UNC80: variants seen among roughly 807,000 people sequenced by gnomAD.
UNC80 encodes the protein unc-80 subunit of NALCN channel complex, also known as protein unc-80 homolog.
A neutral mutation model predicts 384.6 loss-of-function variants in UNC80; 164 were observed. The observed-to-expected ratio is 0.43, with a 90% CI of 0.38 to 0.49. UNC80 has a LOEUF of 0.49. Ranked by LOEUF, UNC80 falls within the 20% of genes least tolerant of loss-of-function variation. UNC80 has a pLI of 0.00. For synonymous variants in UNC80, 1,486 were observed against 1,527.8 expected (o/e 0.97, Z 0.64); for missense variants, 3,330 against 4,143.0 (o/e 0.80, Z 5.39).
chr2:209,775,899 G>T lies in UNC80; in HGVS notation c.152G>T (p.Arg51Leu), dbSNP rs1359174506. ...TTTTTGTATTTACAGTCCTTTGAGC[G>T]AGTGTTGGTAGAAAACAAGCTGCAT... is the stretch of plus-strand genomic sequence containing the variant. ...QYEASCVSFE[R>L]VLVENKLHGL... Residue 51 changes from arginine (R) to leucine (L), a missense_variant, in exon 3 of 65, where the codon CGA becomes CTA. Arg to Leu is a moderately radical substitution (Grantham distance 102). Around this residue, in one of 8 missense-constraint regions of UNC80, gnomAD observed 86 missense variants for 141.5 expected, o/e 0.61. Coordinates refer to ENST00000673920, the MANE Select transcript of UNC80 (RefSeq NM_001371986.1). 6.2e-7 allele frequency: 1 copy of T among 1,613,436 alleles called. No homozygotes were observed.
At chr2:209,903,517 ATATATAC>A (rs1413364706) in intron 28 of UNC80, among the ~76,000 whole-genome samples, 33 of 57,348 alleles carry the variant, frequency 5.8e-4, no homozygotes, top group African/African-American at 2.6e-3. Flanking sequence ...TATATGTAAT[ATATATAC>A]TATATATATT....
chr2:209,985,010 C>G lies in UNC80; in HGVS notation c.9314+98C>G, dbSNP rs1386571796. The G allele has an allele frequency of 4.7e-6, 5 of 1,062,250 alleles. No homozygotes were observed. In the African/African-American group the frequency reaches 8.2e-5, roughly 17 times the overall value. The allele number at this position is 1,062,250 out of a possible 1,614,324, so 65.8% of individuals were successfully genotyped here. ...TCTGTCTTCTCTGTCTCTTCTCGCC[C>G]CGTCTTAATATCTATTTCCATTCCT... On this transcript the variant is annotated intron_variant, in intron 61 of 64. Coordinates refer to ENST00000673920, the MANE Select transcript of UNC80 (RefSeq NM_001371986.1).
intron 51 of UNC80, 79 bp downstream of exon 51, chr2:209,959,786 T>A (rs2092533343): frequency 2.2e-6 from 3 of 1,335,902 alleles, no homozygotes; most frequent in Non-Finnish European, 3.1e-6. Context: ...GGGTTGAGAG[T>A]GGGGGTTCTC....
intron 7 of UNC80, among the ~76,000 whole-genome samples, chr2:209,805,318 A>G (rs1042789598): frequency 2.6e-5 from 4 of 152,206 alleles, no homozygotes; most frequent in African/African-American, 7.2e-5. Flanking sequence ...TTAAGAAACA[A>G]TTTTCAAAAT....
At chr2:209,914,525 A>G (rs900165577) in intron 31 of UNC80, among the ~76,000 whole-genome samples, 2 of 151,878 alleles carry the variant, frequency 1.3e-5, no homozygotes, top group South Asian at 2.1e-4. Context: ...AGCTAAAAGT[A>G]TTGCCCTCTC....
chr2:209,901,984 A>G (rs992129883), intron 28 of UNC80, among the ~76,000 whole-genome samples: 2 of 152,260 alleles, frequency 1.3e-5, no homozygotes, highest in East Asian at 3.9e-4. Context: ...AGACAGTTAT[A>G]GGGATTCCTG....
chr2:209,877,278 A>G (rs1396301126), intron 23 of UNC80, among the ~76,000 whole-genome samples: 1 of 152,208 alleles, frequency 6.6e-6, no homozygotes, highest in East Asian at 1.9e-4. Context: ...ATTCAATAAC[A>G]GATAGCAAGG....
chr2:209,786,663 C>T (rs1415163530), intron 5 of UNC80, among the ~76,000 whole-genome samples: 1 of 152,042 alleles, frequency 6.6e-6, no homozygotes, highest in East Asian at 1.9e-4. Context: ...ATGAAATAGT[C>T]CCACTGTTCA....
In UNC80 at chr2:209,976,713, T is replaced by C. The variant is rs749039120; in HGVS notation, c.8773-200T>C. On this transcript the variant is annotated intron_variant, in intron 57 of 64. Coordinates refer to ENST00000673920, the MANE Select transcript of UNC80 (RefSeq NM_001371986.1). The surrounding 1 kb of genome is among the most constrained non-coding windows in gnomAD (Gnocchi z 4.3). ...CAAGACCCTCGGTACCCATCTACACTTGGTCTTTTCATGCCTCAGTTTCTT... is the reference window on the plus strand; with the variant it reads ...CAAGACCCTCGGTACCCATCTACACCTGGTCTTTTCATGCCTCAGTTTCTT... 3.9e-5 allele frequency among the ~76,000 whole-genome samples: 6 copies of C among 152,190 alleles called. No individual in the cohort carries two copies. Among genetic ancestry groups the C allele is most frequent in the Non-Finnish European group, 8.8e-5 (6 of 68,040 alleles).
At chr2:209,954,012 CT>C (rs1490830389) in intron 47 of UNC80, 87 bp from the exon 48 acceptor site, 2 of 1,377,704 alleles carry the variant, frequency 1.5e-6, no homozygotes, top group African/African-American at 2.9e-5. Flanking sequence ...TCTCTAGATG[CT>C]TTTCATTGTT....
intron 7 of UNC80, among the ~76,000 whole-genome samples, chr2:209,812,004 C>A (rs1005813145): frequency 2.0e-5 from 3 of 152,148 alleles, no homozygotes; most frequent in African/African-American, 7.2e-5. Flanking sequence ...AAAAGTTTCA[C>A]CAAACATCCA....
chr2:209,814,056 C>T (rs1029064828), intron 8 of UNC80, among the ~76,000 whole-genome samples: 1 of 152,094 alleles, frequency 6.6e-6, no homozygotes, highest in Non-Finnish European at 1.5e-5. Flanking sequence ...CTTGCACATG[C>T]TAATTTAGTA....
Position 209,996,098 on chromosome 2 carries a change from T to TA in UNC80, c.*506dup, listed in dbSNP as rs2093480057. On this transcript the variant is annotated 3_prime_UTR_variant, in exon 65 of 65. Coordinates refer to ENST00000673920, the MANE Select transcript of UNC80 (RefSeq NM_001371986.1). Reference sequence around the variant, plus strand: ...AGGAAAAATATTACTTTGGGGAGACTAAATAACAAGCCTGCAGCCATTTTT... The same window carrying TA: ...AGGAAAAATATTACTTTGGGGAGACTAAAATAACAAGCCTGCAGCCATTTTT... 6.5e-6 allele frequency: 1 copy of TA among 153,354 alleles called. No homozygotes were observed. Among genetic ancestry groups the TA allele is most frequent in the East Asian group, 1.9e-4 (1 of 5,202 alleles). The allele number at this position is 153,354 out of a possible 1,614,324, so 9.5% of individuals were successfully genotyped here.
chr2:209,864,457 G>A (rs190294335), intron 22 of UNC80, among the ~76,000 whole-genome samples: 33 of 152,298 alleles, frequency 2.2e-4, no homozygotes, highest in African/African-American at 7.2e-4. Flanking sequence ...ATTCCTCAGA[G>A]GAAAGGCTAA....
intron 4 of UNC80, among the ~76,000 whole-genome samples, chr2:209,780,721 T>C (rs1451743914): frequency 6.6e-6 from 1 of 152,182 alleles, no homozygotes; most frequent in African/African-American, 2.4e-5. Context: ...GAATTGGTCC[T>C]GATTGAGAGC....
intron 7 of UNC80, 95 bp downstream of exon 7, chr2:209,793,954 A>G (rs1478771612): frequency 3.4e-5 from 49 of 1,445,746 alleles, no homozygotes; most frequent in Non-Finnish European, 4.7e-5. Flanking sequence ...GTTCCTTAAA[A>G]TATGTATTTG....
chr2:209,889,096 T>G (rs556437025), intron 26 of UNC80, among the ~76,000 whole-genome samples: 79 of 152,314 alleles, frequency 5.2e-4, no homozygotes, highest in African/African-American at 1.8e-3. Context: ...AAATGCACAT[T>G]AAACAAGTTC....
intron 16 of UNC80, 31 bp downstream of exon 16, chr2:209,831,622 C>A: frequency 6.7e-7 from 1 of 1,496,930 alleles, no homozygotes; most frequent in South Asian, 1.3e-5. Context: ...CCCACAGGAG[C>A]TCTCAGTCTC....
chr2:209,953,416 C>CAAAAA (rs543990253), intron 47 of UNC80, among the ~76,000 whole-genome samples: 4 of 42,432 alleles, frequency 9.4e-5, no homozygotes, highest in African/African-American at 1.5e-4. Context: ...AAGACTCTGT[C>CAAAAA]AAAAAAAAAA....
Sources: gnomAD v4.1 joint callset for allele counts (sites outside exome capture counted in the v4.1 genomes callset) on GRCh38, gnomAD v4.1.1 for gene constraint, gnomAD v4.1.1 regional missense constraint, Gnocchi (gnomAD v3.1) non-coding constraint, MANE v1.5 for transcripts, NCBI Gene and HGNC (gene_info 2026-07-23, HGNC 2026-07-21) for gene names.